RFX3: variants seen among roughly 807,000 people sequenced by gnomAD.
RFX3 encodes the protein regulatory factor X3, also known as transcription factor RFX3.
Under a neutral mutation model 98.6 loss-of-function variants are expected in RFX3, and 14 were observed. The observed-to-expected ratio is 0.14, with a 90% CI of 0.09 to 0.22. The LOEUF is 0.22. Ranked by LOEUF, RFX3 falls within the 10% of genes least tolerant of loss-of-function variation. RFX3 has a pLI of 1.00. For synonymous variants in RFX3, 383 were observed against 328.4 expected, an observed-to-expected ratio of 1.17 and a Z score of -1.80; for missense variants, 639 against 926.9, an observed-to-expected ratio of 0.69 and a Z score of 4.03.
chr9:3,479,794 G>C (rs1028544771), intron 1 of RFX3, among the ~76,000 whole-genome samples: 1 of 152,168 alleles, frequency 6.6e-6, no homozygotes, highest in Non-Finnish European at 1.5e-5. Flanking sequence ...GAAATCGACA[G>C]AAAAGAAGAA....
intron 1 of RFX3, among the ~76,000 whole-genome samples, chr9:3,522,195 A>G (rs1188302811): frequency 1.3e-5 from 2 of 152,224 alleles, no homozygotes; most frequent in African/African-American, 4.8e-5. Context: ...TGTTTAAAGC[A>G]GCCATCTGTC....
chr9:3,318,749 T>G (rs966394119), intron 4 of RFX3, among the ~76,000 whole-genome samples: 1 of 152,164 alleles, frequency 6.6e-6, no homozygotes, highest in African/African-American at 2.4e-5. Flanking sequence ...ACCTGAAATT[T>G]TGGCAATTTT....
At chr9:3,367,140 G>A (rs1035507638) in intron 2 of RFX3, among the ~76,000 whole-genome samples, 2 of 152,060 alleles carry the variant, frequency 1.3e-5, no homozygotes, top group African/African-American at 2.4e-5. Context: ...ACGTTATATG[G>A]TACAGCTGAC....
At chr9:3,504,800 T>TATAAAA (rs1816607773) in intron 1 of RFX3, among the ~76,000 whole-genome samples, 1 of 104,720 alleles carries the variant, frequency 9.5e-6, no homozygotes, top group African/African-American at 3.8e-5. Context: ...ATATATTATA[T>TATAAAA]TATATATAAA....
intron 2 of RFX3, among the ~76,000 whole-genome samples, chr9:3,368,451 T>C (rs1482694856): frequency 6.6e-6 from 1 of 152,172 alleles, no homozygotes; most frequent in Non-Finnish European, 1.5e-5. Flanking sequence ...ATGGTTTCAA[T>C]TTCAAGAGGA....
At chr9:3,415,126 ATATACTCTTATC>A (rs1842871076) in intron 1 of RFX3, among the ~76,000 whole-genome samples, 1 of 128,822 alleles carries the variant, frequency 7.8e-6, no homozygotes, top group African/African-American at 3.5e-5. Context: ...ATACTTATAT[ATATACTCTTATC>A]TATATACTAT....
At chr9:3,320,016 A>T (rs1831076921) in intron 4 of RFX3, among the ~76,000 whole-genome samples, 1 of 152,226 alleles carries the variant, frequency 6.6e-6, no homozygotes, top group Non-Finnish European at 1.5e-5. Context: ...TGAGGACTTT[A>T]TCTGAAACCT....
At chr9:3,392,530 A>C (rs1840420973) in intron 2 of RFX3, among the ~76,000 whole-genome samples, 1 of 152,086 alleles carries the variant, frequency 6.6e-6, no homozygotes, top group Non-Finnish European at 1.5e-5. Flanking sequence ...AAAGTGAAAA[A>C]AACAAGAAAA....
Position 3,257,122 on chromosome 9 carries a change from C to G in RFX3, c.1683G>C (p.Gln561His). The change falls in exon 14 of 17, where the codon CAG becomes CAC. Residue 561 changes from glutamine (Q) to histidine (H), a missense_variant. Gln to His is a conservative substitution (Grantham distance 24). Around this residue, in one of 9 missense-constraint regions of RFX3, gnomAD observed 138 missense variants for 308.9 expected, o/e 0.45. Transcript: ENST00000617270. Reference sequence around the variant, plus strand: ...CCCACTGCTCCAGGGTGCTCTGCTGCTGAAGAGTCATCTTGAAGTCTGTTT... The same window carrying G: ...CCCACTGCTCCAGGGTGCTCTGCTGGTGAAGAGTCATCTTGAAGTCTGTTT... ...RLETDFKMTLQQQSTLEQWAA... is the reference protein window; with the variant it reads ...RLETDFKMTLHQQSTLEQWAA... 1 of 1,613,996 alleles carries G rather than the reference C, an allele frequency of 6.2e-7. No individual in the cohort carries two copies. The highest frequency in any genetic ancestry group is 8.5e-7 in the Non-Finnish European group (1 of 1,179,990).
intron 15 of RFX3, among the ~76,000 whole-genome samples, chr9:3,242,396 T>C (rs1247311552): frequency 1.3e-5 from 2 of 151,886 alleles, no homozygotes; most frequent in Non-Finnish European, 2.9e-5. Flanking sequence ...CCACTACTCT[T>C]CCATGATTGT....
At chr9:3,441,115 C>G (rs918269182) in intron 1 of RFX3, among the ~76,000 whole-genome samples, 1 of 152,122 alleles carries the variant, frequency 6.6e-6, no homozygotes, top group African/African-American at 2.4e-5. Context: ...AACTCTGAAG[C>G]TGCTTTATAT....
rs994806805 is a variant in RFX3 at position 3,274,803 on chromosome 9, C to T, written c.1086+697G>A. On this transcript the variant is annotated intron_variant, in intron 9 of 16. Coordinates refer to ENST00000617270, the MANE Select transcript of RFX3 (RefSeq NM_001282116.2). Reference sequence around the variant, plus strand: ...ACCCAGTTTCCTTCACAAAGGCAACCACTGTTAACATTTTCTTGTTCTTTC... The same window carrying T: ...ACCCAGTTTCCTTCACAAAGGCAACTACTGTTAACATTTTCTTGTTCTTTC... Among the ~76,000 whole-genome samples the T allele has an allele frequency of 3.3e-5, 5 of 152,050 alleles. No individual in the cohort carries two copies. The South Asian group carries it at 1.0e-3, about 32-fold the overall frequency.
At chr9:3,420,760 A>T (rs1350388612) in intron 1 of RFX3, 2 of 982,348 alleles carry the variant, frequency 2.0e-6, no homozygotes, top group Non-Finnish European at 2.4e-6. Context: ...TTCATTCATC[A>T]CTACTGTTCT....
chr9:3,230,924 AGTT>A (rs879358368), intron 15 of RFX3, among the ~76,000 whole-genome samples: 1 of 152,232 alleles, frequency 6.6e-6, no homozygotes, highest in African/African-American at 2.4e-5. Context: ...CATTGCATTT[AGTT>A]GCTACTTAAC....
intron 9 of RFX3, among the ~76,000 whole-genome samples, chr9:3,272,774 AT>A (rs1194860652): frequency 1.3e-5 from 2 of 152,192 alleles, no homozygotes; most frequent in East Asian, 1.9e-4. Context: ...ATTAAAAAAA[AT>A]ATTTCAGCAA....
At chr9:3,399,780 C>T (rs60796901) in intron 1 of RFX3, among the ~76,000 whole-genome samples, 29,436 of 151,264 alleles carry the variant, frequency 0.19, 4,677 homozygotes, top group African/African-American at 0.44. Context: ...TGAAACCCCG[C>T]CTCTACTAAA....
intron 1 of RFX3, chr9:3,489,041 A>G (rs1015176289): frequency 6.9e-6 from 2 of 290,224 alleles, no homozygotes; most frequent in Non-Finnish European, 1.0e-5. Flanking sequence ...TAGTATTTAA[A>G]GATAAATTAT....
chr9:3,463,332 T>C (rs1038877898), intron 1 of RFX3, among the ~76,000 whole-genome samples: 2 of 152,122 alleles, frequency 1.3e-5, no homozygotes, highest in African/African-American at 2.4e-5. Context: ...TCTGGAAAGA[T>C]ACAACACCTC....
chr9:3,476,149 A>G (rs992195669), intron 1 of RFX3, among the ~76,000 whole-genome samples: 1 of 150,648 alleles, frequency 6.6e-6, no homozygotes, highest in African/African-American at 2.4e-5. Flanking sequence ...AATTGCTACA[A>G]ATGATTAATG....
Sources: allele counts gnomAD v4.1 joint callset (sites outside exome capture counted in the v4.1 genomes callset), GRCh38; gene constraint gnomAD v4.1.1; regional missense constraint gnomAD v4.1.1; transcripts MANE v1.5; gene names NCBI Gene and HGNC (gene_info 2026-07-23, HGNC 2026-07-21).